The following STX8 variants were observed in gnomAD, a reference collection of about 807,000 sequenced individuals.
STX8 encodes syntaxin 8.
Under a neutral mutation model 37.5 loss-of-function variants are expected in STX8, and 23 were observed. That is an observed-to-expected ratio of 0.61 (90% CI 0.44 to 0.87). STX8 has a LOEUF of 0.87. Among genes scored for constraint, STX8 ranks in the 40% least tolerant of loss-of-function variants. STX8 has a pLI of 0.00. For synonymous variants in STX8, 115 were observed against 99.1 expected (o/e 1.16, Z -0.95); for missense variants, 313 against 284.7 (o/e 1.10, Z -0.71).
At chr17:9,319,972 A>T (rs1909520983) in intron 7 of STX8, among the ~76,000 whole-genome samples, 3 of 151,646 alleles carry the variant, frequency 2.0e-5, no homozygotes, top group Non-Finnish European at 4.4e-5. Context: ...ATAAATAAAT[A>T]AAATAAAATA....
intron 5 of STX8, among the ~76,000 whole-genome samples, chr17:9,495,736 A>C (rs1026270396): frequency 6.6e-6 from 1 of 152,252 alleles, no homozygotes; most frequent in Non-Finnish European, 1.5e-5. Context: ...AAAGACACAG[A>C]AGATTCAGAT....
At chr17:9,389,291 G>A (rs1912125706) in intron 6 of STX8, among the ~76,000 whole-genome samples, 1 of 152,230 alleles carries the variant, frequency 6.6e-6, no homozygotes, top group Admixed American at 6.5e-5. Flanking sequence ...TCTATTAAGA[G>A]CAAATTAAAT....
intron 6 of STX8, 131 bp downstream of exon 6, chr17:9,491,698 C>A (rs1012280844): frequency 1.3e-6 from 1 of 751,936 alleles, no homozygotes. Context: ...CACTCCAATG[C>A]GTTAAACTGT....
chr17:9,516,311 A>ATATATT (rs1905158097), intron 4 of STX8, among the ~76,000 whole-genome samples: 1 of 90,570 alleles, frequency 1.1e-5, no homozygotes, highest in Admixed American at 9.4e-5. Context: ...ATATATATAT[A>ATATATT]TATATATATA....
At chr17:9,475,695 A>C (rs1906073543) in intron 6 of STX8, among the ~76,000 whole-genome samples, 1 of 152,192 alleles carries the variant, frequency 6.6e-6, no homozygotes, top group South Asian at 2.1e-4. Flanking sequence ...AAAAGATGTC[A>C]CCCCAAGATT....
chr17:9,473,322 T>G (rs1354331349), intron 6 of STX8, among the ~76,000 whole-genome samples: 1 of 152,122 alleles, frequency 6.6e-6, no homozygotes, highest in Non-Finnish European at 1.5e-5. Flanking sequence ...CCCAGCCATG[T>G]CTCAGGATCT....
chr17:9,447,535 G>C (rs972321465), intron 6 of STX8, among the ~76,000 whole-genome samples: 1 of 152,116 alleles, frequency 6.6e-6, no homozygotes, highest in African/African-American at 2.4e-5. Context: ...CAATTCTTCT[G>C]CTTCAGCCGC....
chr17:9,327,013 C>T (rs774425933), intron 7 of STX8, among the ~76,000 whole-genome samples: 13 of 151,828 alleles, frequency 8.6e-5, no homozygotes, highest in South Asian at 6.2e-4. Flanking sequence ...CAAAATTAGC[C>T]GGGCGTGATG....
rs745424722 is a variant in STX8 at position 9,546,590 on chromosome 17, G to GTTTT, written c.213-1309_213-1308insAAAA. 3.3e-3 allele frequency among the ~76,000 whole-genome samples: 206 copies of GTTTT among 62,166 alleles called. 17 individuals carry two copies. The highest frequency in any genetic ancestry group is 6.8e-3 in the South Asian group (10 of 1,476). The allele number at this position is 62,166 out of a possible 152,430, so 40.8% of individuals were successfully genotyped here. On this transcript the variant is annotated intron_variant, in intron 3 of 7. Coordinates refer to ENST00000306357, the MANE Select transcript of STX8 (RefSeq NM_004853.3). Reference sequence around the variant, plus strand: ...CTTTCTTGATGCAAACTACAAAAGTGGTTTTTTTTTTTTTTTTTTTTTTTT... The same window carrying GTTTT: ...CTTTCTTGATGCAAACTACAAAAGTGTTTTGTTTTTTTTTTTTTTTTTTTTTTTT...
At chr17:9,295,678 G>A (rs1052498094) in intron 7 of STX8, among the ~76,000 whole-genome samples, 32 of 152,242 alleles carry the variant, frequency 2.1e-4, no homozygotes, top group Middle Eastern at 3.4e-3. Context: ...AGGAGGCAGA[G>A]GTTGCAGTGA....
chr17:9,411,234 C>A (rs979467831), intron 6 of STX8, among the ~76,000 whole-genome samples: 1 of 152,216 alleles, frequency 6.6e-6, no homozygotes, highest in Non-Finnish European at 1.5e-5. Context: ...ACTTTTCTCT[C>A]TGACCTATAC....
intron 4 of STX8, among the ~76,000 whole-genome samples, chr17:9,523,770 T>C (rs934652704): frequency 2.0e-5 from 3 of 152,222 alleles, no homozygotes; most frequent in African/African-American, 4.8e-5. Flanking sequence ...TGAACAAAGA[T>C]GTGAGTTCAG....
chr17:9,557,829 C>A (rs1369569837), intron 2 of STX8, among the ~76,000 whole-genome samples: 1 of 152,170 alleles, frequency 6.6e-6, no homozygotes, highest in Non-Finnish European at 1.5e-5. Context: ...TGAATCCTGT[C>A]ACCTGAGCTT....
At chr17:9,574,102 C>T (rs143397312) in intron 1 of STX8, among the ~76,000 whole-genome samples, 1,899 of 152,004 alleles carry the variant, frequency 0.012, 19 homozygotes, top group Non-Finnish European at 0.021. Flanking sequence ...AAAACCCTGT[C>T]TCTACTAAAA....
chr17:9,496,455 T>A (rs2142485627), intron 5 of STX8, among the ~76,000 whole-genome samples: 1 of 152,284 alleles, frequency 6.6e-6, no homozygotes, highest in Middle Eastern at 3.4e-3. Context: ...ATAACCCAAG[T>A]CATGATGATA....
chr17:9,405,883 C>T (rs1912783901), intron 6 of STX8, among the ~76,000 whole-genome samples: 1 of 152,312 alleles, frequency 6.6e-6, no homozygotes, highest in Non-Finnish European at 1.5e-5. Flanking sequence ...AATTCTCCAG[C>T]TTTAGATCAG....
At chr17:9,532,396 G>GT (rs926617261) in intron 4 of STX8, among the ~76,000 whole-genome samples, 13 of 152,146 alleles carry the variant, frequency 8.5e-5, no homozygotes, top group Admixed American at 7.2e-4. Flanking sequence ...TATAATTCCT[G>GT]TTTTTTTAAA....
intron 6 of STX8, among the ~76,000 whole-genome samples, chr17:9,476,311 A>G (rs762627353): frequency 1.3e-5 from 2 of 152,256 alleles, no homozygotes; most frequent in Non-Finnish European, 2.9e-5. Context: ...GGAAAAGCCC[A>G]TAGCATGTGT....
At chr17:9,304,522 AAAAAAAAG>A (rs1467700439) in intron 7 of STX8, among the ~76,000 whole-genome samples, 1 of 151,172 alleles carries the variant, frequency 6.6e-6, no homozygotes, top group Non-Finnish European at 1.5e-5. Flanking sequence ...AAAAAAAAAA[AAAAAAAAG>A]AAAAAAGAAA....
Sources: gnomAD v4.1 joint callset for allele counts (sites outside exome capture counted in the v4.1 genomes callset) on GRCh38, gnomAD v4.1.1 for gene constraint, MANE v1.5 for transcripts, NCBI Gene and HGNC (gene_info 2026-07-23, HGNC 2026-07-21) for gene names.